ABHD17B: variants seen among roughly 807,000 people sequenced by gnomAD.
ABHD17B encodes the protein abhydrolase domain containing 17B, depalmitoylase, also known as alpha/beta hydrolase domain-containing protein 17B.
Under a neutral mutation model 26.2 loss-of-function variants are expected in ABHD17B, and 9 were observed. The observed-to-expected ratio is 0.34, with a 90% CI of 0.21 to 0.60. ABHD17B has a LOEUF of 0.60. Among genes scored for constraint, ABHD17B ranks in the 20% least tolerant of loss-of-function variants. ABHD17B has a pLI of 0.80. For synonymous variants in ABHD17B, 127 were observed against 122.3 expected, an observed-to-expected ratio of 1.04 and a Z score of -0.25; for missense variants, 224 against 352.1, an observed-to-expected ratio of 0.64 and a Z score of 2.91.
intron 2 of ABHD17B, among the ~76,000 whole-genome samples, chr9:71,870,733 T>C (rs62561054): frequency 0.12 from 17,723 of 152,132 alleles, 1,186 homozygotes; most frequent in Middle Eastern, 0.15. Context: ...CTGTTACATA[T>C]AGTTATGGTA....
At chr9:71,894,684 T>C (rs961414402) in intron 1 of ABHD17B, among the ~76,000 whole-genome samples, 1 of 152,188 alleles carries the variant, frequency 6.6e-6, no homozygotes, top group Non-Finnish European at 1.5e-5. Flanking sequence ...AAAATGTTCA[T>C]TTTAGCCAGG....
intron 1 of ABHD17B, among the ~76,000 whole-genome samples, chr9:71,901,138 C>T (rs1042057053): frequency 3.3e-5 from 5 of 152,014 alleles, no homozygotes; most frequent in Admixed American, 2.0e-4. Context: ...GAAGACAGAG[C>T]GAGACTCTGT....
chr9:71,886,198 T>C (rs963886137), intron 1 of ABHD17B, among the ~76,000 whole-genome samples: 4 of 152,200 alleles, frequency 2.6e-5, no homozygotes, highest in Non-Finnish European at 5.9e-5. Context: ...CTGAGTGTTA[T>C]GGTTTTTAGA....
rs1826211846 is a variant in ABHD17B at position 71,874,766 on chromosome 9, A to T, written c.315T>A (p.Gly105=). The change falls in exon 2 of 4, where the codon GGT becomes GGA. Residue 105 remains glycine (G), a synonymous_variant. Coordinates refer to ENST00000333421, the MANE Select transcript of ABHD17B (RefSeq NM_001025780.3). The part of the protein sequence containing the change: ...LFSHGNAVDL[G]QMSSFYIGLG... ...GTCCTATGTAAAAGCTGCTCATTTG[A>T]CCAAGATCAACAGCATTTCCATGTG... is the stretch of plus-strand genomic sequence containing the variant. The T allele has an allele frequency of 1.2e-6, 2 of 1,614,094 alleles. No homozygotes were observed. Among genetic ancestry groups the T allele is most frequent in the African/African-American group, 2.7e-5 (2 of 74,940 alleles).
chr9:71,871,583 T>C (rs973436785), intron 2 of ABHD17B, among the ~76,000 whole-genome samples: 2 of 152,204 alleles, frequency 1.3e-5, no homozygotes, highest in African/African-American at 2.4e-5. Flanking sequence ...ATCATGAAAT[T>C]TGGGCTACAG....
intron 1 of ABHD17B, among the ~76,000 whole-genome samples, chr9:71,909,896 C>T (rs151306201): frequency 7.1e-4 from 107 of 151,744 alleles, no homozygotes; most frequent in African/African-American, 2.1e-3. Context: ...AACAAAAACC[C>T]CAGGTTAAAT....
intron 2 of ABHD17B, among the ~76,000 whole-genome samples, chr9:71,871,552 A>T (rs1323138757): frequency 1.3e-5 from 2 of 152,236 alleles, no homozygotes; most frequent in Non-Finnish European, 2.9e-5. Context: ...TGTCAGCTGA[A>T]TATCAGCATT....
At position 71,865,876 on chromosome 9, in the gene ABHD17B, T is replaced by C. The variant is rs558693025; in HGVS notation, c.*911A>G. ...ACTCCATCTCAAAAAATGAAAAAAA[T>C]AGCCAAAGTGAAAAGGGATCTGATA... On this transcript the variant is annotated 3_prime_UTR_variant, in exon 4 of 4. Coordinates refer to ENST00000333421, the MANE Select transcript of ABHD17B (RefSeq NM_001025780.3). 9 of 984,834 alleles carry C rather than the reference T, an allele frequency of 9.1e-6. No homozygotes were observed. Among genetic ancestry groups the C allele is most frequent in the Non-Finnish European group, 1.1e-5 (9 of 829,690 alleles). 61.0% of individuals were successfully genotyped at this position (984,834 alleles called of 1,614,324 possible).
chr9:71,867,845 C>A (rs543701152), intron 3 of ABHD17B, among the ~76,000 whole-genome samples: 4 of 152,018 alleles, frequency 2.6e-5, no homozygotes, highest in African/African-American at 9.7e-5. Context: ...TACTATGAAC[C>A]CATTTTCCCT....
intron 1 of ABHD17B, among the ~76,000 whole-genome samples, chr9:71,882,107 T>A (rs1390664619): frequency 6.6e-6 from 1 of 152,066 alleles, no homozygotes; most frequent in East Asian, 1.9e-4. Context: ...AAAGACATAA[T>A]AATAAAGGTT....
chr9:71,905,993 G>A (rs1054830376), intron 1 of ABHD17B, among the ~76,000 whole-genome samples: 1 of 152,054 alleles, frequency 6.6e-6, no homozygotes, highest in Non-Finnish European at 1.5e-5. Context: ...AGGGTTCAGT[G>A]GGCAGTGATC....
At chr9:71,895,082 C>G (rs536421186) in intron 1 of ABHD17B, among the ~76,000 whole-genome samples, 1 of 152,262 alleles carries the variant, frequency 6.6e-6, no homozygotes, top group African/African-American at 2.4e-5. Context: ...CTGGCAAATC[C>G]AAACTTTCAG....
intron 1 of ABHD17B, among the ~76,000 whole-genome samples, chr9:71,882,964 T>G (rs953214973): frequency 4.9e-4 from 74 of 152,054 alleles, no homozygotes; most frequent in African/African-American, 1.6e-3. Flanking sequence ...ACCAACATGG[T>G]GAAACCCTAT....
intron 2 of ABHD17B, among the ~76,000 whole-genome samples, chr9:71,870,623 A>G (rs1399404181): frequency 6.6e-6 from 1 of 152,208 alleles, no homozygotes; most frequent in African/African-American, 2.4e-5. Flanking sequence ...TTGAATGAAT[A>G]GGTCATATTT....
chr9:71,865,841 A>G lies in ABHD17B; in HGVS notation c.*946T>C. On this transcript the variant is annotated 3_prime_UTR_variant, in exon 4 of 4. Coordinates refer to ENST00000333421, the MANE Select transcript of ABHD17B (RefSeq NM_001025780.3). ...GCGCCACTGCACTCCAGCCTCAGTGACACAGCAAGACTCCATCTCAAAAAA... is the reference window on the plus strand; with the variant it reads ...GCGCCACTGCACTCCAGCCTCAGTGGCACAGCAAGACTCCATCTCAAAAAA... 6.2e-6 allele frequency: 6 copies of G among 964,712 alleles called. No homozygotes were observed. Among genetic ancestry groups the G allele is most frequent in the Non-Finnish European group, 7.4e-6 (6 of 811,148 alleles). The allele number at this position is 964,712 out of a possible 1,614,324, so 59.8% of individuals were successfully genotyped here. A position where few individuals can be genotyped will look rare whatever the true frequency, so the allele number is the denominator to read the frequency against.
At chr9:71,898,679 G>A (rs1460689608) in intron 1 of ABHD17B, among the ~76,000 whole-genome samples, 5 of 151,560 alleles carry the variant, frequency 3.3e-5, no homozygotes, top group East Asian at 2.0e-4. Context: ...GGGAAAGGGC[G>A]GGTTTAGACA....
chr9:71,909,624 A>G (rs1397189584), intron 1 of ABHD17B, among the ~76,000 whole-genome samples: 1 of 152,234 alleles, frequency 6.6e-6, no homozygotes, highest in Admixed American at 6.5e-5. Flanking sequence ...TTGGCACAAG[A>G]TCTCCAAAGA....
chr9:71,879,947 T>C (rs1826391786), intron 1 of ABHD17B, among the ~76,000 whole-genome samples: 2 of 152,176 alleles, frequency 1.3e-5, no homozygotes, highest in South Asian at 4.2e-4. Context: ...TACTGTTTTG[T>C]GGAAAGGGTA....
At chr9:71,910,044 T>A (rs1044682925) in intron 1 of ABHD17B, among the ~76,000 whole-genome samples, 2 of 150,400 alleles carry the variant, frequency 1.3e-5, no homozygotes, top group African/African-American at 2.4e-5. Context: ...TACCTTAGAG[T>A]TCGAAAACAA....
Sources: allele counts gnomAD v4.1 joint callset (sites outside exome capture counted in the v4.1 genomes callset), GRCh38; gene constraint gnomAD v4.1.1; transcripts MANE v1.5; gene names NCBI Gene and HGNC (gene_info 2026-07-23, HGNC 2026-07-21).